NFXL1: variants seen among roughly 807,000 people sequenced by gnomAD.
NFXL1 encodes NF-X1-type zinc finger protein NFXL1.
Under a neutral mutation model 123.3 loss-of-function variants are expected in NFXL1, and 66 were observed. The observed-to-expected ratio is 0.54, with a 90% CI of 0.44 to 0.66. The LOEUF is 0.66. NFXL1 is among the 30% of genes least tolerant of loss of function. NFXL1 has a pLI of 0.00. For synonymous variants in NFXL1, 346 were observed against 360.8 expected (o/e 0.96, Z 0.46); for missense variants, 944 against 1,125.6 (o/e 0.84, Z 2.31).
chr4:47,886,312 C>A (rs550753668), intron 12 of NFXL1, among the ~76,000 whole-genome samples: 9 of 151,816 alleles, frequency 5.9e-5, no homozygotes, highest in Admixed American at 2.0e-4. Context: ...TTTTGGTTAC[C>A]TGGCTATGTT....
intron 20 of NFXL1, among the ~76,000 whole-genome samples, chr4:47,853,520 C>G (rs1032589598): frequency 1.7e-4 from 26 of 151,948 alleles, no homozygotes; most frequent in African/African-American, 5.8e-4. Flanking sequence ...GAGGAAGGAA[C>G]AGCTAAGCCT....
chr4:47,877,456 A>C (rs1007534381), intron 17 of NFXL1, among the ~76,000 whole-genome samples: 4 of 152,126 alleles, frequency 2.6e-5, no homozygotes, highest in South Asian at 4.1e-4. Flanking sequence ...TCTAATAGTC[A>C]TATCAGCTTT....
chr4:47,899,319 T>C lies in NFXL1; in HGVS notation c.826+51A>G, dbSNP rs376206259. Reference sequence around the variant, plus strand: ...TACAATTTTTTTTTTTGCCTCAATATAAGAAGAAATAATCACCCACAAACA... The same window carrying C: ...TACAATTTTTTTTTTTGCCTCAATACAAGAAGAAATAATCACCCACAAACA... On this transcript the variant is annotated intron_variant, in intron 6 of 22. Coordinates refer to ENST00000507489, the MANE Select transcript of NFXL1 (RefSeq NM_001278624.2). 4.7e-6 allele frequency: 7 copies of C among 1,478,360 alleles called. No individual in the cohort carries two copies. The East Asian group carries it at 1.6e-4, about 34-fold the overall frequency. The allele number at this position is 1,478,360 out of a possible 1,614,324, so 91.6% of individuals were successfully genotyped here. A position where few individuals can be genotyped will look rare whatever the true frequency, so the allele number is the denominator to read the frequency against.
intron 21 of NFXL1, 37 bp from the exon 22 acceptor site, chr4:47,851,185 GTCA>G: frequency 6.8e-7 from 1 of 1,469,726 alleles, no homozygotes; most frequent in East Asian, 2.3e-5. Context: ...TTACAATTTA[GTCA>G]TCACATTTTA....
chr4:47,872,490 T>C (rs1158563567), intron 18 of NFXL1, among the ~76,000 whole-genome samples: 1 of 151,090 alleles, frequency 6.6e-6, no homozygotes, highest in African/African-American at 2.4e-5. Context: ...AAAAAAAAAT[T>C]ATGCCTAAGT....
chr4:47,891,119 T>C (rs1331891813), intron 11 of NFXL1, among the ~76,000 whole-genome samples: 4 of 151,150 alleles, frequency 2.6e-5, no homozygotes, highest in Non-Finnish European at 1.5e-5. Flanking sequence ...TTTTTCTTTT[T>C]TTTTTTTTTC....
At chr4:47,875,022 G>A (rs1349849121) in intron 18 of NFXL1, 105 bp downstream of exon 18, 1 of 588,798 alleles carries the variant, frequency 1.7e-6, no homozygotes, top group South Asian at 3.5e-5. Context: ...GAAAATCTAG[G>A]CATCTAGAGT....
intron 22 of NFXL1, among the ~76,000 whole-genome samples, chr4:47,849,602 T>C (rs1287696158): frequency 6.6e-6 from 1 of 152,206 alleles, no homozygotes; most frequent in Non-Finnish European, 1.5e-5. Context: ...CCCAAGTGGT[T>C]AGTTTCTGAC....
chr4:47,867,457 C>T (rs1165869452), intron 18 of NFXL1, among the ~76,000 whole-genome samples: 1 of 151,800 alleles, frequency 6.6e-6, no homozygotes, highest in Non-Finnish European at 1.5e-5. Context: ...GAAAACCCAA[C>T]ATATATACAA....
intron 19 of NFXL1, among the ~76,000 whole-genome samples, chr4:47,861,915 CACTT>C (rs1734791769): frequency 6.6e-6 from 1 of 152,170 alleles, no homozygotes; most frequent in Non-Finnish European, 1.5e-5. Context: ...TGATATTTAA[CACTT>C]AGTTGTCATC....
At chr4:47,906,026 G>A (rs1373887176) in intron 3 of NFXL1, among the ~76,000 whole-genome samples, 3 of 152,170 alleles carry the variant, frequency 2.0e-5, no homozygotes, top group African/African-American at 7.2e-5. Context: ...TTTTACAGAT[G>A]AGAAAACTGA....
Position 47,885,502 on chromosome 4 carries a change from C to A in NFXL1, c.1820G>T (p.Gly607Val). 3 of 1,610,700 alleles carry A rather than the reference C, an allele frequency of 1.9e-6. No individual in the cohort carries two copies. The highest frequency in any genetic ancestry group is 2.5e-6 in the Non-Finnish European group (3 of 1,177,496). The change falls in exon 14 of 23, where the codon GGC becomes GTC. Residue 607 changes from glycine (G) to valine (V), a missense_variant. Physicochemically the swap from Gly to Val is moderately radical, Grantham distance 109 (BLOSUM62 -3). Transcript: ENST00000507489. Reference sequence around the variant, plus strand: ...CTAATAGTATTATTCCCTTACCCTGCCAGTCTGCTTTATTAATGCTTGATC... The same window carrying A: ...CTAATAGTATTATTCCCTTACCCTGACAGTCTGCTTTATTAATGCTTGATC... The part of the protein sequence containing the change: ...CHDQALIKQT[G>V]RHQPTGPWEQ...
chr4:47,868,275 C>G (rs987779899), intron 18 of NFXL1, among the ~76,000 whole-genome samples: 2 of 149,686 alleles, frequency 1.3e-5, no homozygotes, highest in African/African-American at 4.9e-5. Flanking sequence ...GCCGAGATCG[C>G]ACCATTGCAC....
At chr4:47,875,704 T>G (rs2110066364) in intron 17 of NFXL1, among the ~76,000 whole-genome samples, 1 of 152,302 alleles carries the variant, frequency 6.6e-6, no homozygotes, top group East Asian at 1.9e-4. Context: ...ATCAATACAC[T>G]GTTAACACAT....
At chr4:47,864,421 C>T (rs1029628913) in intron 18 of NFXL1, among the ~76,000 whole-genome samples, 77 of 152,142 alleles carry the variant, frequency 5.1e-4, no homozygotes, top group African/African-American at 1.7e-3. Context: ...TTGAGCAGGC[C>T]GTAAAGAAAT....
At chr4:47,879,851 T>C (rs1735978641) in intron 15 of NFXL1, among the ~76,000 whole-genome samples, 1 of 152,164 alleles carries the variant, frequency 6.6e-6, no homozygotes, top group African/African-American at 2.4e-5. Flanking sequence ...AAATGATTCA[T>C]GCTGGAACAA....
At chr4:47,904,687 ACTT>A (rs1672814239) in intron 4 of NFXL1, among the ~76,000 whole-genome samples, 1 of 152,192 alleles carries the variant, frequency 6.6e-6, no homozygotes, top group African/African-American at 2.4e-5. Flanking sequence ...TTCAGTAATC[ACTT>A]CTTAATTGCT....
intron 19 of NFXL1, among the ~76,000 whole-genome samples, chr4:47,857,609 T>C (rs1455643647): frequency 6.6e-6 from 1 of 152,190 alleles, no homozygotes; most frequent in East Asian, 1.9e-4. Context: ...AATAAATGTA[T>C]CTTTTTTTCT....
At position 47,859,856 on chromosome 4, in the gene NFXL1, AAAAAAAAAAAAAAAC is replaced by A. The variant is rs1351647684; in HGVS notation, c.2316+2975_2316+2989del. Among the ~76,000 whole-genome samples the A allele has an allele frequency of 6.9e-5, 10 of 144,052 alleles. No individual in the cohort carries two copies. The East Asian group carries it at 8.1e-4, about 12-fold the overall frequency. 94.5% of individuals were successfully genotyped at this position (144,052 alleles called of 152,430 possible). On this transcript the variant is annotated intron_variant, in intron 19 of 22. Transcript: ENST00000507489. Reference sequence around the variant, plus strand: ...GACTCCATCTCAAAAAAAAAAAAAAAAAAAAAAAAAAAAACAAACAAACAAAAAAAGTAGAAATAC... The same window carrying A: ...GACTCCATCTCAAAAAAAAAAAAAAAAAACAAACAAAAAAAGTAGAAATAC...
Sources: gnomAD v4.1 joint callset for allele counts (sites outside exome capture counted in the v4.1 genomes callset) on GRCh38, gnomAD v4.1.1 for gene constraint, MANE v1.5 for transcripts, NCBI Gene and HGNC (gene_info 2026-07-23, HGNC 2026-07-21) for gene names.